Variants in HUWE1 observed in about 807,000 individuals in gnomAD.
HUWE1 encodes the protein E3 ubiquitin-protein ligase HUWE1.
HUWE1 carries 18 observed loss-of-function variants against 299.4 expected under a neutral mutation model. The observed-to-expected ratio is 0.06, with a 90% CI of 0.04 to 0.09. The LOEUF (loss-of-function observed/expected upper bound fraction) is 0.09. Among genes scored for constraint, HUWE1 ranks in the 10% least tolerant of loss-of-function variants. The pLI, the probability that HUWE1 is intolerant of heterozygous loss-of-function variation, is 1.00. For missense variants in HUWE1, 1,832 were observed against 3,462.3 expected (o/e 0.53, Z 11.82); for synonymous variants, 1,317 against 1,286.1 (o/e 1.02, Z -0.51).
chrX:53,540,331 C>CT (rs112801686), intron 74 of HUWE1, among the ~76,000 whole-genome samples: 177 of 102,887 alleles, frequency 1.7e-3, no homozygotes, highest in Admixed American at 4.6e-3. Context: ...AGTCTAATGC[C>CT]TTTTTTTTTT....
chrX:53,541,618 G>A (rs1254952970), intron 74 of HUWE1, among the ~76,000 whole-genome samples: 1 of 111,004 alleles, frequency 9.0e-6, no homozygotes, highest in Non-Finnish European at 1.9e-5. Flanking sequence ...AAAGAAAGAA[G>A]ACATGGGAGA....
chrX:53,598,093 C>T (rs1459002448), intron 29 of HUWE1, among the ~76,000 whole-genome samples: 5 of 111,552 alleles, frequency 4.5e-5, no homozygotes, highest in Admixed American at 9.5e-5. Context: ...AAACACCACA[C>T]CAGAGCAAGT....
At chrX:53,675,344 A>G (rs1448681689) in intron 3 of HUWE1, among the ~76,000 whole-genome samples, 1 of 111,864 alleles carries the variant, frequency 8.9e-6, no homozygotes, top group Admixed American at 9.5e-5. Context: ...TCTTGATATT[A>G]CCCTGTATTA....
intron 55 of HUWE1, 126 bp downstream of exon 55, chrX:53,561,630 C>T: frequency 1.0e-6 from 1 of 993,173 alleles, no homozygotes; most frequent in Non-Finnish European, 1.4e-6. Context: ...ATCCCTTGCC[C>T]CAGGAAGTCA....
At chrX:53,656,919 TA>T (rs373736663) in intron 3 of HUWE1, among the ~76,000 whole-genome samples, 43 of 102,302 alleles carry the variant, frequency 4.2e-4, no homozygotes, top group African/African-American at 5.3e-4. Context: ...TGACAAAGGT[TA>T]AAAAAAAAAA....
chrX:53,612,932 A>C (rs1301555917), intron 23 of HUWE1, among the ~76,000 whole-genome samples: 4 of 111,356 alleles, frequency 3.6e-5, no homozygotes, highest in Admixed American at 2.9e-4. Context: ...TCTGGAAAAT[A>C]TCCAGGTAGG....
intron 26 of HUWE1, among the ~76,000 whole-genome samples, chrX:53,604,281 T>C (rs1439479800): frequency 5.4e-5 from 6 of 112,075 alleles, no homozygotes; most frequent in African/African-American, 1.9e-4. Flanking sequence ...GTCCTACCTA[T>C]GCCATCCCAT....
intron 26 of HUWE1, among the ~76,000 whole-genome samples, chrX:53,603,870 A>AG: frequency 8.9e-6 from 1 of 112,408 alleles, no homozygotes; most frequent in Non-Finnish European, 1.9e-5. Flanking sequence ...GTAAGTACCT[A>AG]GATTTATTTA....
Position 53,539,788 on chromosome X carries a change from TC to T in HUWE1, c.11500del (p.Glu3834ArgfsTer18). 1 of 1,209,921 alleles carries T rather than the reference TC, an allele frequency of 8.3e-7. No homozygotes were observed. Among genetic ancestry groups the T allele is most frequent in the Non-Finnish European group, 1.1e-6 (1 of 894,362 alleles). On this transcript the variant is annotated frameshift_variant, in exon 75 of 84. Transcript: ENST00000262854. LOFTEE classifies it high-confidence loss of function. ...SIASDGTPQG[E>X]KEKEERPPEL... ...AGGTGGTCTTTCTTCCTTTTCCTTC[TC>T]CCCCTGTGGGGTTCCATCGGAGGCT...
chrX:53,535,141 G>A (rs181542067), intron 81 of HUWE1, among the ~76,000 whole-genome samples: 7 of 110,638 alleles, frequency 6.3e-5, no homozygotes, highest in South Asian at 3.8e-4. Context: ...CACCATGTTG[G>A]CCAGGCTGGT....
chrX:53,568,957 C>A, intron 48 of HUWE1, 83 bp from the exon 49 acceptor site: 1 of 807,418 alleles, frequency 1.2e-6, no homozygotes, highest in Non-Finnish European at 1.8e-6. Flanking sequence ...CTCAGATAAC[C>A]CTCCTGTAAC....
chrX:53,537,983 T>C (rs782384498), intron 77 of HUWE1, among the ~76,000 whole-genome samples: 8 of 111,608 alleles, frequency 7.2e-5, no homozygotes, highest in African/African-American at 2.3e-4. Flanking sequence ...AGGAGAGGCA[T>C]AGGGATGACT....
intron 2 of HUWE1, among the ~76,000 whole-genome samples, chrX:53,681,892 T>C (rs1417825109): frequency 1.8e-5 from 2 of 112,059 alleles, no homozygotes; most frequent in Non-Finnish European, 3.8e-5. Context: ...AGGAACATTA[T>C]GGCTGGTGGT....
At chrX:53,657,817 AG>A (rs2068816227) in intron 3 of HUWE1, among the ~76,000 whole-genome samples, 2 of 110,470 alleles carry the variant, frequency 1.8e-5, no homozygotes, top group Non-Finnish European at 3.8e-5. Flanking sequence ...TGGGAGGCTG[AG>A]GCGGGCGGAT....
chrX:53,630,341 G>C (rs1362176042), intron 12 of HUWE1, among the ~76,000 whole-genome samples: 1 of 111,797 alleles, frequency 8.9e-6, no homozygotes, highest in Non-Finnish European at 1.9e-5. Context: ...CTATGTGCTT[G>C]TTCTGTGCTA....
chrX:53,685,238 CG>C (rs1471260754), intron 2 of HUWE1, among the ~76,000 whole-genome samples: 8 of 111,474 alleles, frequency 7.2e-5, no homozygotes, highest in Non-Finnish European at 1.3e-4. Flanking sequence ...TTTTTTCCCC[CG>C]GATGAACTTT....
chrX:53,569,189 G>C (rs2062708861), intron 48 of HUWE1, among the ~76,000 whole-genome samples: 1 of 111,616 alleles, frequency 9.0e-6, no homozygotes, highest in Non-Finnish European at 1.9e-5. Context: ...ACTACGCCCA[G>C]CTAATTTTCT....
At chrX:53,628,279 T>C (rs1242142401) in intron 15 of HUWE1, among the ~76,000 whole-genome samples, 1 of 110,942 alleles carries the variant, frequency 9.0e-6, no homozygotes, top group Non-Finnish European at 1.9e-5. Flanking sequence ...TTCTACACTA[T>C]GATAAAAGTC....
chrX:53,578,237 G>A (rs1273957454), intron 43 of HUWE1, among the ~76,000 whole-genome samples: 36 of 105,133 alleles, frequency 3.4e-4, no homozygotes, highest in African/African-American at 9.4e-4. Context: ...GGTGAGGAGC[G>A]TCTCTGCCCG....
Sources: gnomAD v4.1 joint callset for allele counts (sites outside exome capture counted in the v4.1 genomes callset) on GRCh38, gnomAD v4.1.1 for gene constraint, MANE v1.5 for transcripts, NCBI Gene and HGNC (gene_info 2026-07-23, HGNC 2026-07-21) for gene names.